Variants in SLX9 observed in about 807,000 individuals in gnomAD.
SLX9 encodes ribosome biogenesis protein SLX9 homolog.
A neutral mutation model predicts 20.8 loss-of-function variants in SLX9; 19 were observed. That is an observed-to-expected ratio of 0.91 (90% CI 0.64 to 1.34). SLX9 has a LOEUF of 1.34. SLX9 is among the 40% of genes most tolerant of loss of function. The pLI is 0.00. For synonymous variants in SLX9, 113 were observed against 137.1 expected (o/e 0.82, Z 1.23); for missense variants, 299 against 322.2 (o/e 0.93, Z 0.55).
chr21:44,947,320 C>T (rs2084661677), intron 2 of SLX9, among the ~76,000 whole-genome samples: 1 of 152,366 alleles, frequency 6.6e-6, no homozygotes, highest in Middle Eastern at 3.4e-3. Context: ...GCAACACCGC[C>T]TTCCCAAGAT....
chr21:44,960,593 G>A (rs1377763565), intron 3 of SLX9, among the ~76,000 whole-genome samples: 1 of 152,246 alleles, frequency 6.6e-6, no homozygotes, highest in African/African-American at 2.4e-5. Context: ...AGAAGTGCCT[G>A]CAGTGGTATG....
At position 44,940,083 on chromosome 21, in the gene SLX9, C is replaced by A; in HGVS notation, c.26C>A (p.Ala9Asp). 2.1e-6 allele frequency: 3 copies of A among 1,458,760 alleles called. No individual in the cohort carries two copies. Among genetic ancestry groups the A allele is most frequent in the South Asian group, 1.4e-5 (1 of 71,630 alleles). 90.4% of individuals were successfully genotyped at this position (1,458,760 alleles called of 1,614,324 possible). Residue 9 changes from alanine to aspartate, a missense_variant, in exon 1 of 6, where the codon GCC becomes GAC. Transcript: ENST00000291634. ...ATGGGGAAAGTGAGGGGGTTGCGCGCCCGAGTGCACCAGGCTGCCGTGAGG... is the reference window on the plus strand; with the variant it reads ...ATGGGGAAAGTGAGGGGGTTGCGCGACCGAGTGCACCAGGCTGCCGTGAGG... MGKVRGLR[A>D]RVHQAAVRPK...
chr21:44,954,726 G>A (rs371466685), intron 2 of SLX9, among the ~76,000 whole-genome samples: 51 of 152,260 alleles, frequency 3.3e-4, no homozygotes, highest in Middle Eastern at 3.4e-3. Context: ...TCTTCTCTGC[G>A]GTGCTGCTGG....
At chr21:44,957,076 C>A (rs1345060011) in intron 2 of SLX9, among the ~76,000 whole-genome samples, 1 of 152,236 alleles carries the variant, frequency 6.6e-6, no homozygotes, top group African/African-American at 2.4e-5. Flanking sequence ...TTTTAGGCAG[C>A]CTGTACCTGC....
intron 2 of SLX9, among the ~76,000 whole-genome samples, chr21:44,956,626 C>G (rs758865086): frequency 2.0e-5 from 3 of 152,228 alleles, no homozygotes; most frequent in Non-Finnish European, 4.4e-5. Flanking sequence ...GTGTTCTGTC[C>G]TGAGCCTCAT....
At chr21:44,971,870 G>T (rs992913199) in intron 4 of SLX9, among the ~76,000 whole-genome samples, 4 of 152,178 alleles carry the variant, frequency 2.6e-5, no homozygotes, top group Non-Finnish European at 5.9e-5. Flanking sequence ...GGGAGATGTC[G>T]TCAGCCCCGG....
chr21:44,945,907 G>T (rs2084633566), intron 2 of SLX9, among the ~76,000 whole-genome samples: 1 of 151,664 alleles, frequency 6.6e-6, no homozygotes, highest in Non-Finnish European at 1.5e-5. Context: ...GCTAATTTTT[G>T]TATTTTTAGT....
chr21:44,946,837 T>A (rs2084651886), intron 2 of SLX9, among the ~76,000 whole-genome samples: 1 of 152,200 alleles, frequency 6.6e-6, no homozygotes, highest in Admixed American at 6.5e-5. Flanking sequence ...CCATGGGACC[T>A]CACAGAGGGC....
At chr21:44,940,245 C>T in intron 1 of SLX9, 59 bp downstream of exon 1, 1 of 1,199,328 alleles carries the variant, frequency 8.3e-7, no homozygotes, top group Non-Finnish European at 1.0e-6. Flanking sequence ...GGGTGAGCTG[C>T]GGGGCGCCGC....
chr21:44,955,813 T>C (rs1434328749), intron 2 of SLX9, among the ~76,000 whole-genome samples: 1 of 152,248 alleles, frequency 6.6e-6, no homozygotes, highest in Non-Finnish European at 1.5e-5. Flanking sequence ...GTGTGGGCCA[T>C]CCTTGAAAAC....
At chr21:44,965,962 A>AC (rs1333412263) in intron 3 of SLX9, among the ~76,000 whole-genome samples, 2 of 151,196 alleles carry the variant, frequency 1.3e-5, no homozygotes, top group African/African-American at 4.9e-5. Flanking sequence ...TACCTTATAA[A>AC]CCCCCGTGAT....
intron 2 of SLX9, among the ~76,000 whole-genome samples, chr21:44,956,125 T>C (rs2084853757): frequency 6.6e-6 from 1 of 152,264 alleles, no homozygotes; most frequent in South Asian, 2.1e-4. Flanking sequence ...TCTTTTCGGC[T>C]GTTGATTGGT....
chr21:44,940,364 G>C (rs2084519173), intron 1 of SLX9, among the ~76,000 whole-genome samples, 178 bp downstream of exon 1: 1 of 152,250 alleles, frequency 6.6e-6, no homozygotes, highest in Non-Finnish European at 1.5e-5. Context: ...CCGAGGCTCC[G>C]CTCTGCGCTG....
intron 2 of SLX9, among the ~76,000 whole-genome samples, chr21:44,945,757 G>C (rs947229873): frequency 2.0e-5 from 3 of 152,194 alleles, no homozygotes; most frequent in Non-Finnish European, 4.4e-5. Context: ...TGTCGCCAGG[G>C]TGGAGTGCAG....
intron 1 of SLX9, among the ~76,000 whole-genome samples, chr21:44,941,410 C>T (rs1030013280): frequency 2.0e-5 from 3 of 150,486 alleles, no homozygotes; most frequent in African/African-American, 7.3e-5. Context: ...GACCTCTCTC[C>T]TTGTCCCCTT....
chr21:44,976,632 G>C, intron 5 of SLX9, 48 bp from the exon 6 acceptor site: 1 of 1,553,140 alleles, frequency 6.4e-7, no homozygotes. Context: ...GAGGGGCTGA[G>C]GGGTCCGGGG....
chr21:44,964,229 G>T (rs1432535461), intron 3 of SLX9, among the ~76,000 whole-genome samples: 2 of 152,186 alleles, frequency 1.3e-5, no homozygotes, highest in East Asian at 3.9e-4. Context: ...TACTAATCTT[G>T]TATCCTATGA....
intron 2 of SLX9, among the ~76,000 whole-genome samples, chr21:44,958,838 G>A (rs544493885): frequency 4.4e-4 from 67 of 152,324 alleles, no homozygotes; most frequent in Middle Eastern, 3.4e-3. Context: ...GCTCCCTGGG[G>A]CCAGAGCCGG....
At chr21:44,959,189 A>G in intron 2 of SLX9, 1 of 985,382 alleles carries the variant, frequency 1.0e-6, no homozygotes, top group Non-Finnish European at 1.2e-6. Context: ...GCCTTTCTCC[A>G]GGCAGGGCTT....
Sources: allele counts gnomAD v4.1 joint callset (sites outside exome capture counted in the v4.1 genomes callset), GRCh38; gene constraint gnomAD v4.1.1; transcripts MANE v1.5; gene names NCBI Gene and HGNC (gene_info 2026-07-23, HGNC 2026-07-21).